ELF2: variants seen among roughly 807,000 people sequenced by gnomAD.
The protein encoded by ELF2 is ETS-related transcription factor Elf-2.
ELF2 carries 11 observed loss-of-function variants against 54.8 expected under a neutral mutation model. That is an observed-to-expected ratio of 0.20 (90% CI 0.13 to 0.33). The LOEUF is 0.33. ELF2 is among the 10% of genes least tolerant of loss of function. The pLI is 1.00. For missense variants in ELF2, 513 were observed against 703.0 expected (o/e 0.73, Z 3.06); for synonymous variants, 203 against 245.1 (o/e 0.83, Z 1.61).
intron 4 of ELF2, among the ~76,000 whole-genome samples, chr4:139,081,913 CATT>C (rs941681640): frequency 2.6e-5 from 2 of 75,954 alleles, no homozygotes; most frequent in South Asian, 4.8e-4. Flanking sequence ...CTTTACAGAA[CATT>C]ATTATCATAA....
At chr4:139,111,971 C>T (rs1365757758) in intron 4 of ELF2, among the ~76,000 whole-genome samples, 1 of 152,074 alleles carries the variant, frequency 6.6e-6, no homozygotes, top group African/African-American at 2.4e-5. Flanking sequence ...TTTTCATTTA[C>T]AGCACTTACT....
intron 4 of ELF2, among the ~76,000 whole-genome samples, chr4:139,114,258 CCT>C (rs1412358947): frequency 6.6e-6 from 1 of 151,852 alleles, no homozygotes; most frequent in African/African-American, 2.4e-5. Context: ...ACTTAAATGT[CCT>C]CTCTTAAAAG....
chr4:139,086,796 G>C (rs994058819), intron 4 of ELF2, among the ~76,000 whole-genome samples: 4 of 151,592 alleles, frequency 2.6e-5, no homozygotes, highest in African/African-American at 9.7e-5. Flanking sequence ...ATATACAGTG[G>C]GTATAATTAC....
intron 3 of ELF2, among the ~76,000 whole-genome samples, chr4:139,133,589 T>C (rs1369953679): frequency 6.6e-6 from 1 of 152,162 alleles, no homozygotes; most frequent in Non-Finnish European, 1.5e-5. Context: ...GTATTTATAG[T>C]TCACTGTATA....
chr4:139,151,086 AAG>A lies in ELF2; in HGVS notation c.-251-11591_-251-11590del, dbSNP rs1425963452. ...AAAGAAAGAAAGAAAGAAAGAAAGA[AAG>A]AAAGAAAAAGAGAGCTATTTAATAA... On this transcript the variant is annotated intron_variant, in intron 1 of 9. Transcript: ENST00000686138. Among the ~76,000 whole-genome samples, 6 of 148,054 alleles carry A rather than the reference AAG, an allele frequency of 4.1e-5. No homozygotes were observed. The South Asian group carries it at 8.9e-4, about 22-fold the overall frequency.
chr4:139,137,518 T>C (rs778257813), intron 3 of ELF2, 112 bp downstream of exon 3: 314 of 1,080,770 alleles, frequency 2.9e-4, no homozygotes, highest in Non-Finnish European at 4.1e-4. Flanking sequence ...ACATGTATAA[T>C]TTCATGCTTT....
intron 1 of ELF2, among the ~76,000 whole-genome samples, chr4:139,143,807 C>T: frequency 6.6e-6 from 1 of 152,002 alleles, no homozygotes. Context: ...AAAATAAAGA[C>T]TAGAACATTC....
chr4:139,086,793 G>A (rs1428721009), intron 4 of ELF2, among the ~76,000 whole-genome samples: 1 of 152,124 alleles, frequency 6.6e-6, no homozygotes, highest in African/African-American at 2.4e-5. Flanking sequence ...TGTATATACA[G>A]TGGGTATAAT....
chr4:139,145,523 T>C (rs1739141767), intron 1 of ELF2, among the ~76,000 whole-genome samples: 1 of 152,140 alleles, frequency 6.6e-6, no homozygotes, highest in South Asian at 2.1e-4. Flanking sequence ...AAGCAACCTG[T>C]TCTTCTTCAT....
At chr4:139,162,325 A>T (rs1425258314) in intron 1 of ELF2, among the ~76,000 whole-genome samples, 1 of 152,134 alleles carries the variant, frequency 6.6e-6, no homozygotes, top group Middle Eastern at 3.2e-3. Context: ...AAGACCAGCC[A>T]GTTTGAGACC....
chr4:139,144,677 G>GC (rs1214953895), intron 1 of ELF2, among the ~76,000 whole-genome samples: 1 of 152,154 alleles, frequency 6.6e-6, no homozygotes, highest in Non-Finnish European at 1.5e-5. Flanking sequence ...GACTTGCCTT[G>GC]CCAAGTGTGT....
chr4:139,169,342 C>T (rs1472489853), intron 1 of ELF2, among the ~76,000 whole-genome samples: 4 of 103,280 alleles, frequency 3.9e-5, no homozygotes, highest in Non-Finnish European at 1.8e-5. Context: ...AGCGGGACTA[C>T]ATTTAAAAAA....
intron 1 of ELF2, among the ~76,000 whole-genome samples, chr4:139,176,091 C>A (rs1462648845): frequency 6.6e-6 from 1 of 152,200 alleles, no homozygotes; most frequent in African/African-American, 2.4e-5. Flanking sequence ...CCTCCCTGTC[C>A]TCCTTCCGCG....
chr4:139,092,393 ATAACATAACATAACATAACATACAT>A (rs1732711725), intron 4 of ELF2, among the ~76,000 whole-genome samples: 1 of 112,792 alleles, frequency 8.9e-6, no homozygotes, highest in Non-Finnish European at 1.9e-5. Context: ...ATAACATAAC[ATAACATAACATAACATAACATACAT>A]AACATAACAT....
chr4:139,148,863 A>T (rs1339667569), intron 1 of ELF2, among the ~76,000 whole-genome samples: 1 of 152,208 alleles, frequency 6.6e-6, no homozygotes, highest in Non-Finnish European at 1.5e-5. Context: ...ATTTGAAGAT[A>T]CCCAGTTCTT....
At chr4:139,120,273 A>G (rs1560833625) in intron 4 of ELF2, among the ~76,000 whole-genome samples, 1 of 152,156 alleles carries the variant, frequency 6.6e-6, no homozygotes, top group African/African-American at 2.4e-5. Flanking sequence ...GTCATGTAAG[A>G]TAATATATAG....
At chr4:139,115,493 G>C in intron 4 of ELF2, 1 of 715,620 alleles carries the variant, frequency 1.4e-6, no homozygotes. Context: ...GGTGCCCGAG[G>C]GCAGCTGCAG....
intron 3 of ELF2, among the ~76,000 whole-genome samples, chr4:139,133,635 CCT>C (rs1737788401): frequency 6.9e-6 from 1 of 145,884 alleles, no homozygotes; most frequent in Non-Finnish European, 1.5e-5. Context: ...CTTTTCCCTA[CCT>C]TTTTTTTTTT....
At chr4:139,065,749 C>T (rs886445082) in intron 7 of ELF2, among the ~76,000 whole-genome samples, 1 of 151,906 alleles carries the variant, frequency 6.6e-6, no homozygotes, top group Non-Finnish European at 1.5e-5. Flanking sequence ...TTTTCTCCAG[C>T]GTTAAGCAAA....
Sources: gnomAD v4.1 joint callset for allele counts (sites outside exome capture counted in the v4.1 genomes callset) on GRCh38, gnomAD v4.1.1 for gene constraint, MANE v1.5 for transcripts, NCBI Gene and HGNC (gene_info 2026-07-23, HGNC 2026-07-21) for gene names.